Variants in ROBO2 observed in about 807,000 individuals in gnomAD.
ROBO2 encodes roundabout homolog 2.
ROBO2 carries 53 observed loss-of-function variants against 160.8 expected under a neutral mutation model. The ratio of observed to expected loss-of-function variants is 0.33; its 90% CI spans 0.26 to 0.41. ROBO2 has a LOEUF of 0.41. Among genes scored for constraint, ROBO2 ranks in the 10% least tolerant of loss-of-function variants. The pLI, the probability that ROBO2 is intolerant of heterozygous loss-of-function variation, is 1.00. For missense variants in ROBO2, 1,577 were observed against 1,722.4 expected, an observed-to-expected ratio of 0.92 and a Z score of 1.49; for synonymous variants, 664 against 611.7, an observed-to-expected ratio of 1.09 and a Z score of -1.26.
chr3:77,110,839 A>G (rs2073484342), intron 2 of ROBO2, among the ~76,000 whole-genome samples: 1 of 151,880 alleles, frequency 6.6e-6, no homozygotes, highest in East Asian at 1.9e-4. Context: ...TGCTACAGGC[A>G]TGTGTCACCA....
intron 2 of ROBO2, among the ~76,000 whole-genome samples, chr3:76,766,680 A>G (rs2108448716): frequency 6.6e-6 from 1 of 151,732 alleles, no homozygotes; most frequent in East Asian, 2.0e-4. Context: ...CTCTCAATGG[A>G]TCTTTTCCTT....
chr3:76,883,586 T>G (rs2073579704), intron 2 of ROBO2, among the ~76,000 whole-genome samples: 1 of 152,198 alleles, frequency 6.6e-6, no homozygotes, highest in Non-Finnish European at 1.5e-5. Flanking sequence ...CAATTTAGTA[T>G]CACACTGTAG....
intron 2 of ROBO2, among the ~76,000 whole-genome samples, chr3:76,437,806 G>A (rs1430966707): frequency 2.0e-5 from 3 of 152,126 alleles, no homozygotes; most frequent in African/African-American, 7.2e-5. Context: ...ACTGCTGGCT[G>A]TCTACCCTTT....
chr3:76,084,236 C>T (rs186066369), intron 2 of ROBO2, among the ~76,000 whole-genome samples: 44 of 152,134 alleles, frequency 2.9e-4, no homozygotes, highest in East Asian at 5.8e-4. Context: ...TAGTTGTGTA[C>T]GCTCTTCATA....
rs879322188 is a variant in ROBO2 at position 75,933,516 on chromosome 3, A to AT, written c.-13-3951dup. ...GCAGGGAAGCTTTGTTCCAGAGAGGATTTTTTTTTTTTTTAAAGAAGCTGC... is the reference window on the plus strand; with the variant it reads ...GCAGGGAAGCTTTGTTCCAGAGAGGATTTTTTTTTTTTTTTAAAGAAGCTGC... On this transcript the variant is annotated intron_variant, in intron 1 of 26. Coordinates refer to the ROBO2 transcript ENST00000487694. 6.8e-3 allele frequency among the ~76,000 whole-genome samples: 983 copies of AT among 144,668 alleles called. 9 individuals are homozygous for AT. Among genetic ancestry groups the AT allele is most frequent in the African/African-American group, 0.02 (778 of 39,550 alleles). The allele number at this position is 144,668 out of a possible 152,430, so 94.9% of individuals were successfully genotyped here.
intron 2 of ROBO2, among the ~76,000 whole-genome samples, chr3:77,366,830 G>C (rs1023024241): frequency 6.6e-6 from 1 of 151,450 alleles, no homozygotes; most frequent in African/African-American, 2.4e-5. Context: ...AGAGAGGAGG[G>C]AGGTGCCAGG....
At chr3:76,631,563 C>T (rs913800393) in intron 2 of ROBO2, among the ~76,000 whole-genome samples, 4 of 152,098 alleles carry the variant, frequency 2.6e-5, no homozygotes, top group Non-Finnish European at 4.4e-5. Flanking sequence ...AGAAAATATG[C>T]CTTCATTGTA....
intron 2 of ROBO2, among the ~76,000 whole-genome samples, chr3:76,205,001 AT>A (rs1702731388): frequency 1.3e-5 from 2 of 152,164 alleles, no homozygotes; most frequent in African/African-American, 4.8e-5. Flanking sequence ...AAAAATCTTT[AT>A]TTGGAAATAT....
In ROBO2 at chr3:76,720,044, T is replaced by TA; in HGVS notation, c.110-377968dup. On this transcript the variant is annotated intron_variant, in intron 2 of 26. Coordinates refer to the ROBO2 transcript ENST00000487694. ...CCCAAATATTCTTATGTTGAAATTCTAACATCCAATGCGATGGAATTAGGA... is the reference window on the plus strand; with the variant it reads ...CCCAAATATTCTTATGTTGAAATTCTAAACATCCAATGCGATGGAATTAGGA... Among the ~76,000 whole-genome samples the TA allele has an allele frequency of 2.0e-5, 3 of 152,324 alleles. No homozygotes were observed. In the Middle Eastern group the frequency reaches 0.01, roughly 518 times the overall value.
At chr3:77,263,554 C>G (rs1195850568) in intron 2 of ROBO2, among the ~76,000 whole-genome samples, 4 of 152,302 alleles carry the variant, frequency 2.6e-5, no homozygotes, top group Middle Eastern at 3.4e-3. Context: ...GAGCCTCCAG[C>G]TCCATCCATG....
At chr3:76,609,451 A>T (rs1273695215) in intron 2 of ROBO2, among the ~76,000 whole-genome samples, 3 of 151,970 alleles carry the variant, frequency 2.0e-5, no homozygotes, top group Non-Finnish European at 4.4e-5. Flanking sequence ...TATTAAGTTA[A>T]TCCATAGGTA....
chr3:77,577,252 T>C (rs978509640), intron 14 of ROBO2, among the ~76,000 whole-genome samples: 20 of 152,112 alleles, frequency 1.3e-4, no homozygotes, highest in Non-Finnish European at 5.9e-5. Context: ...TATTAGAATG[T>C]TAGCTGTAAA....
At chr3:77,602,469 T>C (rs1156433090) in exon 20 of ROBO2, 2 of 1,614,042 alleles carry the variant, frequency 1.2e-6, no homozygotes, top group Admixed American at 1.7e-5. Context: ...ATTCTCTACC[T>C]GATCAGAACA....
intron 2 of ROBO2, among the ~76,000 whole-genome samples, chr3:76,589,230 A>G (rs2086253168): frequency 6.6e-6 from 1 of 152,212 alleles, no homozygotes; most frequent in Non-Finnish European, 1.5e-5. Context: ...GAATATATAC[A>G]AAGTTTATCT....
intron 1 of ROBO2, among the ~76,000 whole-genome samples, chr3:75,910,153 T>G (rs1263904147): frequency 6.6e-6 from 1 of 152,186 alleles, no homozygotes; most frequent in African/African-American, 2.4e-5. Context: ...GGAGTTTCTG[T>G]ATAACCCTGT....
chr3:76,723,582 T>C (rs2093499225), intron 2 of ROBO2, among the ~76,000 whole-genome samples: 1 of 152,200 alleles, frequency 6.6e-6, no homozygotes, highest in African/African-American at 2.4e-5. Flanking sequence ...CACTTCATTC[T>C]CATACAAAAT....
At chr3:77,405,813 T>C (rs1270090044) in intron 2 of ROBO2, among the ~76,000 whole-genome samples, 1 of 152,056 alleles carries the variant, frequency 6.6e-6, no homozygotes, top group East Asian at 1.9e-4. Flanking sequence ...AGCAAAAAGG[T>C]CTGTTGGGCC....
chr3:77,120,096 T>C (rs1178925283), intron 2 of ROBO2, among the ~76,000 whole-genome samples: 1 of 152,230 alleles, frequency 6.6e-6, no homozygotes, highest in Admixed American at 6.5e-5. Flanking sequence ...ATCAACAACC[T>C]TGATTTCTAT....
intron 2 of ROBO2, among the ~76,000 whole-genome samples, chr3:76,233,344 AC>A (rs1205960282): frequency 6.6e-6 from 1 of 152,034 alleles, no homozygotes; most frequent in East Asian, 1.9e-4. Flanking sequence ...GGGTTTCACC[AC>A]GTTGGCCAGG....
Sources: gnomAD v4.1 joint callset for allele counts (sites outside exome capture counted in the v4.1 genomes callset) on GRCh38, gnomAD v4.1.1 for gene constraint, MANE v1.5 for transcripts, NCBI Gene and HGNC (gene_info 2026-07-23, HGNC 2026-07-21) for gene names.